SLIT1: variants seen among roughly 807,000 people sequenced by gnomAD.
The protein encoded by SLIT1 is slit guidance ligand 1.
Under a neutral mutation model 186.1 loss-of-function variants are expected in SLIT1, and 66 were observed. The observed-to-expected ratio is 0.35, with a 90% confidence interval of 0.29 to 0.44. The LOEUF (loss-of-function observed/expected upper bound fraction) is 0.44, where lower values mean the gene tolerates loss of function less well. SLIT1 is among the 20% of genes least tolerant of loss of function. The probability of loss-of-function intolerance (pLI) is 1.00; values close to 1 mark genes in which losing one functional copy is unlikely to be tolerated. For synonymous variants in SLIT1, 761 were observed against 833.8 expected, an observed-to-expected ratio of 0.91 and a Z score of 1.50; for missense variants, 1,638 against 2,037.4, an observed-to-expected ratio of 0.80 and a Z score of 3.77.
intron 4 of SLIT1, among the ~76,000 whole-genome samples, chr10:97,086,553 G>A (rs1358095326): frequency 6.6e-6 from 1 of 152,170 alleles, no homozygotes; most frequent in East Asian, 1.9e-4. Context: ...ACTCCAGCCT[G>A]GGTGACAGAG....
In SLIT1 at chr10:97,120,874, G is replaced by A. The variant is rs191754873; in HGVS notation, c.413+36944C>T. On this transcript the variant is annotated intron_variant, in intron 4 of 36. Coordinates refer to ENST00000266058, the MANE Select transcript of SLIT1 (RefSeq NM_003061.3). ...GGAGAAGCTGCCTGAAATGAGAGCC[G>A]ATCCAAATAAAATGCTTACAATGGT... Among the ~76,000 whole-genome samples, 789 of 152,222 alleles carry A rather than the reference G, an allele frequency of 5.2e-3. 3 individuals carry two copies. Among genetic ancestry groups the A allele is most frequent in the African/African-American group, 0.013 (552 of 41,520 alleles).
At chr10:97,076,709 C>T (rs2134650292) in intron 4 of SLIT1, among the ~76,000 whole-genome samples, 1 of 152,352 alleles carries the variant, frequency 6.6e-6, no homozygotes, top group African/African-American at 2.4e-5. Flanking sequence ...AACCCAGAGG[C>T]CAGGGCTTTG....
intron 4 of SLIT1, among the ~76,000 whole-genome samples, chr10:97,141,671 T>TGTATTGTATC (rs1317197275): frequency 3.7e-5 from 5 of 134,964 alleles, no homozygotes; most frequent in East Asian, 4.2e-4. Flanking sequence ...TGCATTGCAT[T>TGTATTGTATC]GTATCGTATT....
At chr10:97,111,304 T>TTAAAAACCACAGAGACAAATGAACAACAA (rs1469949103) in intron 4 of SLIT1, among the ~76,000 whole-genome samples, 7 of 151,954 alleles carry the variant, frequency 4.6e-5, no homozygotes, top group African/African-American at 1.7e-4. Flanking sequence ...GTCCGAGTCA[T>TTAAAAACCACAGAGACAAATGAACAACAA]TAAAAACCAC....
rs907542159 is a variant in SLIT1, at chr10:97,022,322, C to A, written c.2583-909G>T. Among the ~76,000 whole-genome samples, 3 of 152,228 alleles carry A rather than the reference C, an allele frequency of 2.0e-5. No individual in the cohort carries two copies. The highest frequency in any genetic ancestry group is 2.0e-4 in the Admixed American group (3 of 15,290). The stretch of plus-strand genomic sequence containing the variant: ...TCTTTGCATTTTTAATTAAACAGAA[C>A]ACATGAATGCATTCTCATTGTCAGC... On this transcript the variant is annotated intron_variant, in intron 25 of 36. Transcript: ENST00000266058. This position sits in a 1 kb window ranked among gnomAD's most constrained non-coding sequence, Gnocchi z 4.2.
At chr10:97,103,267 A>T (rs2279509) in intron 4 of SLIT1, 2 of 152,290 alleles carry the variant, frequency 1.3e-5, no homozygotes, top group Non-Finnish European at 2.9e-5. Flanking sequence ...AGGTAACGCC[A>T]CTGGCCTTCT....
At chr10:97,111,340 C>T (rs895160432) in intron 4 of SLIT1, among the ~76,000 whole-genome samples, 1 of 151,884 alleles carries the variant, frequency 6.6e-6, no homozygotes, top group Non-Finnish European at 1.5e-5. Context: ...ACAATAATAG[C>T]TGTATTCACT....
intron 4 of SLIT1, among the ~76,000 whole-genome samples, chr10:97,107,772 GA>G (rs1849428225): frequency 2.0e-5 from 3 of 152,140 alleles, no homozygotes; most frequent in Non-Finnish European, 2.9e-5. Flanking sequence ...TAGGGTGGAA[GA>G]CAGGGAACCA....
chr10:97,121,708 C>T (rs1163092987), intron 4 of SLIT1, among the ~76,000 whole-genome samples: 2 of 152,190 alleles, frequency 1.3e-5, no homozygotes, highest in African/African-American at 4.8e-5. Context: ...CAATTTCCCT[C>T]CTGCCTTCCT....
At chr10:97,047,938 C>T (rs768669479) in intron 15 of SLIT1, 35 bp downstream of exon 15, 24 of 1,613,770 alleles carry the variant, frequency 1.5e-5, no homozygotes, top group Admixed American at 1.3e-4. Flanking sequence ...CCACCATTCC[C>T]GCCAGGCTGG....
At chr10:97,114,008 G>T (rs1323120876) in intron 4 of SLIT1, among the ~76,000 whole-genome samples, 1 of 152,104 alleles carries the variant, frequency 6.6e-6, no homozygotes, top group African/African-American at 2.4e-5. Context: ...CCGCTACCAG[G>T]TGCCTGAAGC....
Position 97,004,947 on chromosome 10 carries a change from C to A in SLIT1, c.3580-124G>T. 3.4e-6 allele frequency: 4 copies of A among 1,181,546 alleles called. No homozygotes were observed. Among genetic ancestry groups the A allele is most frequent in the Non-Finnish European group, 4.8e-6 (4 of 827,116 alleles). 73.2% of individuals were successfully genotyped at this position (1,181,546 alleles called of 1,614,324 possible). On this transcript the variant is annotated intron_variant, in intron 32 of 36. Transcript: ENST00000266058. This position sits in a 1 kb window ranked among gnomAD's most constrained non-coding sequence, Gnocchi z 5.1. ...TGCTCTGTGCAGAGCGCTCTTCCCC[C>A]ACCTGGCCAGCCTCCCCAAGGCCAT...
chr10:97,115,332 A>C (rs1347464693), intron 4 of SLIT1, among the ~76,000 whole-genome samples: 1 of 152,028 alleles, frequency 6.6e-6, no homozygotes, highest in Non-Finnish European at 1.5e-5. Context: ...GCTGGTACTT[A>C]TCCTGCTTCT....
intron 28 of SLIT1, 27 bp downstream of exon 28, chr10:97,018,559 A>T: frequency 6.9e-7 from 1 of 1,447,278 alleles, no homozygotes; most frequent in Non-Finnish European, 9.5e-7. Context: ...AGCACTCACC[A>T]GGCTCCTGCC....
chr10:97,006,736 A>T lies in SLIT1; in HGVS notation c.3342-16T>A, dbSNP rs756246605. The T allele has an allele frequency of 6.3e-7, 1 of 1,591,070 alleles. No homozygotes were observed. On this transcript the variant is annotated splice_polypyrimidine_tract_variant and intron_variant, in intron 31 of 36. Coordinates refer to ENST00000266058, the MANE Select transcript of SLIT1 (RefSeq NM_003061.3). This position sits in a 1 kb window ranked among gnomAD's most constrained non-coding sequence, Gnocchi z 4.0. Reference sequence around the variant, plus strand: ...GAGCTGTCCACTGAGAGGAAAGGACATAAGTCAGAGAGGGCCAAGGAGGAA... The same window carrying T: ...GAGCTGTCCACTGAGAGGAAAGGACTTAAGTCAGAGAGGGCCAAGGAGGAA...
chr10:97,119,220 C>A (rs1273289870), intron 4 of SLIT1, among the ~76,000 whole-genome samples: 1 of 152,202 alleles, frequency 6.6e-6, no homozygotes, highest in Non-Finnish European at 1.5e-5. Flanking sequence ...CCCACCCTCA[C>A]AGGAAGGTCA....
chr10:97,033,050 CTTTT>C (rs71007311), intron 23 of SLIT1, among the ~76,000 whole-genome samples: 6 of 139,764 alleles, frequency 4.3e-5, no homozygotes, highest in Non-Finnish European at 6.2e-5. Context: ...TTCTTTCTTT[CTTTT>C]TTTTTTTTTT....
intron 4 of SLIT1, among the ~76,000 whole-genome samples, chr10:97,111,829 G>A (rs140805823): frequency 5.9e-5 from 9 of 152,170 alleles, no homozygotes; most frequent in African/African-American, 2.2e-4. Flanking sequence ...GTTACTCATC[G>A]TCTTCAATTT....
chr10:97,054,819 C>T (rs1309360995), intron 13 of SLIT1, among the ~76,000 whole-genome samples: 1 of 152,182 alleles, frequency 6.6e-6, no homozygotes, highest in Non-Finnish European at 1.5e-5. Context: ...ATGGAGAGGA[C>T]ACATAGATAA....
Sources: gnomAD v4.1 joint callset for allele counts (sites outside exome capture counted in the v4.1 genomes callset) on GRCh38, gnomAD v4.1.1 for gene constraint, Gnocchi (gnomAD v3.1) non-coding constraint, MANE v1.5 for transcripts, NCBI Gene and HGNC (gene_info 2026-07-23, HGNC 2026-07-21) for gene names.